AKR1E2: variants seen among roughly 807,000 people sequenced by gnomAD.
AKR1E2 encodes the protein aldo-keto reductase family 1 member E2.
Under a neutral mutation model 41.9 loss-of-function variants are expected in AKR1E2, and 43 were observed. The observed-to-expected ratio is 1.03, with a 90% CI of 0.80 to 1.32. AKR1E2 has a LOEUF of 1.32. Among genes scored for constraint, AKR1E2 ranks in the 40% most tolerant of loss-of-function variants. AKR1E2 has a pLI of 0.00. For synonymous variants in AKR1E2, 121 were observed against 138.9 expected, an observed-to-expected ratio of 0.87 and a Z score of 0.91; for missense variants, 423 against 396.5, an observed-to-expected ratio of 1.07 and a Z score of -0.57.
rs3750738 is a variant in AKR1E2, at chr10:4,830,577, T to C, written c.40-98T>C. On this transcript the variant is annotated intron_variant, in intron 1 of 9. Transcript: ENST00000298375. The stretch of plus-strand genomic sequence containing the variant: ...CTAGTACCAAATTAGTGACTTAATT[T>C]TTTATGTATTATGTTGTCCACATGC... The C allele has an allele frequency of 0.041, 56,800 of 1,397,112 alleles. 1,474 individuals are homozygous for C. The highest frequency in any genetic ancestry group is 0.12 in the East Asian group (5,209 of 42,868). 86.5% of individuals were successfully genotyped at this position (1,397,112 alleles called of 1,614,324 possible).
At chr10:4,844,873 G>T (rs886642812) in intron 8 of AKR1E2, among the ~76,000 whole-genome samples, 85 of 152,244 alleles carry the variant, frequency 5.6e-4, no homozygotes, top group African/African-American at 2.0e-3. Context: ...CCCGCACGGG[G>T]CCGCAGGTGA....
the AKR1E2 span, among the ~76,000 whole-genome samples, chr10:4,869,015 T>G: frequency 6.6e-6 from 1 of 152,160 alleles, no homozygotes; most frequent in African/African-American, 2.4e-5. Context: ...TCCTTTCCGT[T>G]TTTGTCTCAT....
the AKR1E2 span, among the ~76,000 whole-genome samples, chr10:4,863,726 A>AAATCAATGAATCCAG: frequency 2.9e-3 from 437 of 150,250 alleles, no homozygotes; most frequent in African/African-American, 3.5e-3. Flanking sequence ...AGACTAATAA[A>AAATCAATGAATCCAG]GAAGAAAAGA....
At chr10:4,836,493 G>C (rs1212980868) in intron 4 of AKR1E2, among the ~76,000 whole-genome samples, 3 of 152,158 alleles carry the variant, frequency 2.0e-5, no homozygotes, top group African/African-American at 7.2e-5. Context: ...CCATCATGTG[G>C]GATGGGACAT....
chr10:4,872,191 C>T, the AKR1E2 span, among the ~76,000 whole-genome samples: 2 of 152,178 alleles, frequency 1.3e-5, no homozygotes, highest in Admixed American at 6.5e-5. Flanking sequence ...TGTCATTCTA[C>T]AGCTTGAGGA....
At chr10:4,831,901 G>T (rs528925875) in intron 2 of AKR1E2, among the ~76,000 whole-genome samples, 2 of 152,316 alleles carry the variant, frequency 1.3e-5, no homozygotes, top group South Asian at 4.1e-4. Context: ...GTAGGTGAAA[G>T]AAGCTTGCAT....
At chr10:4,863,758 A>AT in the AKR1E2 span, among the ~76,000 whole-genome samples, 1 of 152,206 alleles carries the variant, frequency 6.6e-6, no homozygotes, top group Non-Finnish European at 1.5e-5. Context: ...AATAGATGCA[A>AT]TAAAAAATGA....
At chr10:4,852,858 C>T (rs77665122), downstream of AKR1E2, among the ~76,000 whole-genome samples, 5,376 of 152,196 alleles carry the variant, frequency 0.035, 151 homozygotes, top group East Asian at 0.11. Flanking sequence ...TTGGTTTCTT[C>T]TGAGGCCTCT....
At chr10:4,832,794 A>G (rs1248350697) in intron 2 of AKR1E2, among the ~76,000 whole-genome samples, 1 of 151,994 alleles carries the variant, frequency 6.6e-6, no homozygotes, top group African/African-American at 2.4e-5. Flanking sequence ...TGGAGCCTTC[A>G]GGTTAGCTTA....
intron 5 of AKR1E2, 23 bp from the exon 6 acceptor site, chr10:4,839,706 T>C: frequency 6.2e-7 from 1 of 1,601,656 alleles, no homozygotes; most frequent in African/African-American, 1.3e-5. Flanking sequence ...CTGAATTTTA[T>C]GTAAGCTATG....
the AKR1E2 span, among the ~76,000 whole-genome samples, chr10:4,869,738 C>T: frequency 2.0e-5 from 3 of 151,948 alleles, no homozygotes; most frequent in East Asian, 1.9e-4. Context: ...TTTTTTATTT[C>T]GCTCAAGACT....
chr10:4,865,812 A>G, the AKR1E2 span, among the ~76,000 whole-genome samples: 3 of 152,322 alleles, frequency 2.0e-5, no homozygotes, highest in South Asian at 6.2e-4. Flanking sequence ...TAACAAAAAG[A>G]GTCCACCCCA....
intron 2 of AKR1E2, among the ~76,000 whole-genome samples, chr10:4,831,367 G>C (rs1465536682): frequency 6.6e-6 from 1 of 152,138 alleles, no homozygotes; most frequent in Non-Finnish European, 1.5e-5. Context: ...CCTGAGACTG[G>C]GTAGTTTATA....
intron 3 of AKR1E2, among the ~76,000 whole-genome samples, chr10:4,834,851 G>C (rs1326454008): frequency 6.6e-6 from 1 of 152,230 alleles, no homozygotes; most frequent in East Asian, 1.9e-4. Context: ...CTGGCCAGTA[G>C]GAACTGCTAG....
At chr10:4,864,880 C>G in the AKR1E2 span, among the ~76,000 whole-genome samples, 4 of 152,180 alleles carry the variant, frequency 2.6e-5, no homozygotes, top group Non-Finnish European at 5.9e-5. Flanking sequence ...TCCAACAAGG[C>G]TATCCTTCTT....
chr10:4,849,303 C>T (rs1033832211), downstream of AKR1E2, among the ~76,000 whole-genome samples: 4 of 152,162 alleles, frequency 2.6e-5, no homozygotes, highest in African/African-American at 7.2e-5. Flanking sequence ...TTCGTGACTC[C>T]TTATCATTCA....
chr10:4,857,451 G>T, the AKR1E2 span, among the ~76,000 whole-genome samples: 1 of 152,112 alleles, frequency 6.6e-6, no homozygotes, highest in African/African-American at 2.4e-5. Flanking sequence ...AATGTGAAGT[G>T]CCCCTCCCTC....
At chr10:4,864,197 C>T in the AKR1E2 span, among the ~76,000 whole-genome samples, 34,148 of 151,682 alleles carry the variant, frequency 0.23, 4,065 homozygotes, top group Middle Eastern at 0.34. Flanking sequence ...ATGAAATTGA[C>T]GCAAAAATCC....
chr10:4,841,187 G>A (rs1564270564), intron 6 of AKR1E2, among the ~76,000 whole-genome samples: 1 of 152,072 alleles, frequency 6.6e-6, no homozygotes, highest in Non-Finnish European at 1.5e-5. Flanking sequence ...GAGACCTCGA[G>A]GACGATACTA....
Sources: gnomAD v4.1 joint callset for allele counts (sites outside exome capture counted in the v4.1 genomes callset) on GRCh38, gnomAD v4.1.1 for gene constraint, MANE v1.5 for transcripts, NCBI Gene and HGNC (gene_info 2026-07-23, HGNC 2026-07-21) for gene names.